PTPRM: variants seen among roughly 807,000 people sequenced by gnomAD.
The protein encoded by PTPRM is receptor-type tyrosine-protein phosphatase mu.
Under a neutral mutation model 186.7 loss-of-function variants are expected in PTPRM, and 47 were observed. The ratio of observed to expected loss-of-function variants is 0.25; its 90% CI spans 0.20 to 0.32. The LOEUF (loss-of-function observed/expected upper bound fraction) is 0.32, where lower values mean the gene tolerates loss of function less well. PTPRM is among the 10% of genes least tolerant of loss of function. PTPRM has a pLI of 1.00. For missense variants in PTPRM, 1,494 were observed against 1,865.0 expected (o/e 0.80, Z 3.66); for synonymous variants, 668 against 674.9 (o/e 0.99, Z 0.16).
At chr18:8,072,135 G>C (rs978060308) in intron 8 of PTPRM, among the ~76,000 whole-genome samples, 1 of 152,122 alleles carries the variant, frequency 6.6e-6, no homozygotes. Flanking sequence ...GTGATATTGA[G>C]TAAGTAATAA....
At chr18:8,108,070 G>C (rs1249251836) in intron 11 of PTPRM, among the ~76,000 whole-genome samples, 1 of 152,156 alleles carries the variant, frequency 6.6e-6, no homozygotes, top group African/African-American at 2.4e-5. Context: ...AATAAATTCA[G>C]TGTGGCTGCA....
intron 14 of PTPRM, among the ~76,000 whole-genome samples, chr18:8,196,667 A>G (rs1038552048): frequency 2.6e-5 from 4 of 152,254 alleles, no homozygotes; most frequent in South Asian, 4.1e-4. Context: ...TATGTCAAAA[A>G]GCAGTTTGGA....
intron 1 of PTPRM, among the ~76,000 whole-genome samples, chr18:7,691,331 TGTTA>T (rs1349098208): frequency 2.6e-5 from 4 of 152,168 alleles, no homozygotes; most frequent in African/African-American, 9.7e-5. Context: ...TTTAAATCTC[TGTTA>T]AACTAGCCCC....
chr18:8,380,271 G>A (rs754615230), intron 28 of PTPRM, 25 bp from the exon 29 acceptor site: 1 of 1,609,098 alleles, frequency 6.2e-7, no homozygotes, highest in South Asian at 1.1e-5. Flanking sequence ...GAGTATATTT[G>A]GAGCATTCTT....
intron 7 of PTPRM, among the ~76,000 whole-genome samples, chr18:7,985,761 A>G (rs2082932037): frequency 6.6e-6 from 1 of 151,912 alleles, no homozygotes. Context: ...CCCCTCAAGC[A>G]TTTATCCATT....
chr18:7,799,573 T>C (rs1376210933), intron 2 of PTPRM, among the ~76,000 whole-genome samples: 2 of 152,220 alleles, frequency 1.3e-5, no homozygotes, highest in Non-Finnish European at 2.9e-5. Flanking sequence ...TCTTTTTTCT[T>C]GCTAATTGAG....
intron 23 of PTPRM, among the ~76,000 whole-genome samples, chr18:8,348,294 G>A (rs982363216): frequency 1.8e-4 from 27 of 152,224 alleles, no homozygotes; most frequent in Admixed American, 1.0e-3. Context: ...TGCATTAGGC[G>A]GCCCTAATTG....
At chr18:8,108,878 A>G (rs1056453510) in intron 11 of PTPRM, among the ~76,000 whole-genome samples, 2 of 152,250 alleles carry the variant, frequency 1.3e-5, no homozygotes, top group Non-Finnish European at 2.9e-5. Context: ...AAATTCCAGA[A>G]TAATGGTAGG....
At chr18:7,972,639 G>A (rs1429676339) in intron 7 of PTPRM, among the ~76,000 whole-genome samples, 1 of 151,586 alleles carries the variant, frequency 6.6e-6, no homozygotes, top group Non-Finnish European at 1.5e-5. Context: ...CTTTAGCTCA[G>A]CTATAATGCT....
At chr18:7,796,182 A>G (rs2043634280) in intron 2 of PTPRM, among the ~76,000 whole-genome samples, 1 of 151,870 alleles carries the variant, frequency 6.6e-6, no homozygotes, top group African/African-American at 2.4e-5. Context: ...ATTAGTAACA[A>G]GCAGATGATG....
chr18:7,693,018 T>G (rs1166297851), intron 1 of PTPRM, among the ~76,000 whole-genome samples: 1 of 152,160 alleles, frequency 6.6e-6, no homozygotes, highest in Admixed American at 6.5e-5. Flanking sequence ...GGCACTGAAT[T>G]TCACATGAGC....
At chr18:7,734,696 A>T (rs2040730846) in intron 1 of PTPRM, among the ~76,000 whole-genome samples, 1 of 152,206 alleles carries the variant, frequency 6.6e-6, no homozygotes, top group African/African-American at 2.4e-5. Flanking sequence ...AAAAAGTTCT[A>T]CTAGCATTAA....
intron 1 of PTPRM, among the ~76,000 whole-genome samples, chr18:7,618,549 A>G (rs1277460949): frequency 1.3e-5 from 2 of 152,192 alleles, no homozygotes; most frequent in African/African-American, 4.8e-5. Flanking sequence ...AAAAAACCTG[A>G]AAGGAAAAAA....
intron 7 of PTPRM, among the ~76,000 whole-genome samples, chr18:7,960,450 C>CATATATATATAT (rs71354579): frequency 3.7e-4 from 45 of 120,564 alleles, no homozygotes; most frequent in Middle Eastern, 4.2e-3. Flanking sequence ...ATATAGGCAA[C>CATATATATATAT]ATATATATAT....
intron 22 of PTPRM, among the ~76,000 whole-genome samples, chr18:8,335,336 G>A (rs538351825): frequency 3.4e-4 from 51 of 150,472 alleles, no homozygotes; most frequent in African/African-American, 5.1e-4. Context: ...TGCGTCGCCA[G>A]TCAGACCTAA....
chr18:8,214,839 T>C (rs2094057750), intron 14 of PTPRM, among the ~76,000 whole-genome samples: 1 of 152,110 alleles, frequency 6.6e-6, no homozygotes, highest in Non-Finnish European at 1.5e-5. Context: ...ATCTTTGTAT[T>C]TTTAGTAGAG....
intron 32 of PTPRM, among the ~76,000 whole-genome samples, chr18:8,405,328 C>G (rs971228757): frequency 3.3e-5 from 5 of 152,032 alleles, no homozygotes; most frequent in African/African-American, 1.2e-4. Flanking sequence ...TGAGGATGGC[C>G]ACGTACTTTA....
chr18:8,392,737 T>G (rs2095822690), intron 31 of PTPRM, among the ~76,000 whole-genome samples: 1 of 151,664 alleles, frequency 6.6e-6, no homozygotes. Flanking sequence ...AGTAAAGAAA[T>G]AAAACAGGCT....
chr18:8,149,016 CTGTT>C (rs1214543964), intron 14 of PTPRM, among the ~76,000 whole-genome samples: 2 of 152,208 alleles, frequency 1.3e-5, no homozygotes, highest in East Asian at 1.9e-4. Context: ...GTCTGAGAGA[CTGTT>C]TGTTATGATT....
Sources: gnomAD v4.1 joint callset for allele counts (sites outside exome capture counted in the v4.1 genomes callset) on GRCh38, gnomAD v4.1.1 for gene constraint, MANE v1.5 for transcripts, NCBI Gene and HGNC (gene_info 2026-07-23, HGNC 2026-07-21) for gene names.